KIF21A: variants seen among roughly 807,000 people sequenced by gnomAD.
The protein encoded by KIF21A is kinesin family member 21A.
A neutral mutation model predicts 202.9 loss-of-function variants in KIF21A; 114 were observed. The observed-to-expected ratio is 0.56, with a 90% confidence interval of 0.48 to 0.66. The LOEUF is 0.66. Among genes scored for constraint, KIF21A ranks in the 30% least tolerant of loss-of-function variants. The pLI is 0.00. For missense variants in KIF21A, 1,677 were observed against 1,994.9 expected, an observed-to-expected ratio of 0.84 and a Z score of 3.04; for synonymous variants, 667 against 670.8, an observed-to-expected ratio of 0.99 and a Z score of 0.09.
intron 1 of KIF21A, among the ~76,000 whole-genome samples, chr12:39,405,574 G>A (rs932818352): frequency 1.3e-5 from 2 of 151,998 alleles, no homozygotes; most frequent in African/African-American, 4.8e-5. Context: ...ACTAGTAAAA[G>A]TCAAATAAAG....
intron 1 of KIF21A, among the ~76,000 whole-genome samples, chr12:39,383,740 AGTG>A (rs1372458142): frequency 2.0e-5 from 3 of 152,186 alleles, no homozygotes; most frequent in African/African-American, 7.2e-5. Flanking sequence ...TCAAGGCTGC[AGTG>A]AGCTAGAATG....
At chr12:39,417,389 G>C (rs1234083066) in intron 1 of KIF21A, among the ~76,000 whole-genome samples, 4 of 152,074 alleles carry the variant, frequency 2.6e-5, no homozygotes, top group Non-Finnish European at 5.9e-5. Flanking sequence ...CAATGATACT[G>C]ACAATTATAG....
chr12:39,295,527 G>GTAATCA (rs1334062134), intron 37 of KIF21A, among the ~76,000 whole-genome samples: 1 of 152,044 alleles, frequency 6.6e-6, no homozygotes, highest in African/African-American at 2.4e-5. Context: ...TTTCTAGATT[G>GTAATCA]TAATCAGTTA....
In KIF21A at chr12:39,357,430, C is replaced by A; in HGVS notation, c.1223G>T (p.Arg408Ile). The A allele has an allele frequency of 6.2e-7, 1 of 1,613,650 alleles. No homozygotes were observed. Among genetic ancestry groups the A allele is most frequent in the Non-Finnish European group, 8.5e-7 (1 of 1,179,642 alleles). The change falls in exon 9 of 38, where the codon AGA (arginine) becomes ATA (isoleucine). Residue 408 changes from arginine to isoleucine, a missense_variant. By Grantham distance (97) the Arg-to-Ile change is moderately conservative. This residue lies in a region of KIF21A where 966 missense variants were observed against 1,180.9 expected (regional missense o/e 0.82). Transcript: ENST00000361418. ...TTCCACACCCTCTTCGTCAATTATT[C>A]TTTTACCCTAGTAAAGGAAAATAAT... ...MELMEYKTGK[R>I]IIDEEGVESI... is the part of the protein sequence containing the mutation.
At chr12:39,307,481 T>A in intron 34 of KIF21A, 84 bp downstream of exon 34, 1 of 1,296,614 alleles carries the variant, frequency 7.7e-7, no homozygotes, top group Non-Finnish European at 1.1e-6. Flanking sequence ...GTCATAAAAA[T>A]TGGATTTCAC....
intron 1 of KIF21A, among the ~76,000 whole-genome samples, chr12:39,385,889 G>A (rs1056657466): frequency 6.6e-6 from 1 of 152,168 alleles, no homozygotes; most frequent in Non-Finnish European, 1.5e-5. Context: ...TACAAAGGCA[G>A]TTTAAATACA....
intron 1 of KIF21A, among the ~76,000 whole-genome samples, chr12:39,436,449 T>TATATATATATATATATATATATATA (rs1491365902): frequency 5.0e-4 from 43 of 86,814 alleles, no homozygotes; most frequent in African/African-American, 1.8e-3. Flanking sequence ...TATATATATA[T>TATATATATATATATATATATATATA]TTTTTTTTTT....
intron 1 of KIF21A, among the ~76,000 whole-genome samples, chr12:39,395,041 CA>C (rs1951634302): frequency 1.3e-5 from 2 of 152,160 alleles, no homozygotes; most frequent in Non-Finnish European, 2.9e-5. Context: ...TTCCCCATCC[CA>C]ACTATTAGCT....
chr12:39,440,940 A>G (rs1939482431), intron 1 of KIF21A, among the ~76,000 whole-genome samples: 1 of 152,038 alleles, frequency 6.6e-6, no homozygotes, highest in Admixed American at 6.6e-5. Context: ...GCTTGAGCCC[A>G]TGAGGTTGAG....
At chr12:39,435,059 C>T (rs767467823) in intron 1 of KIF21A, among the ~76,000 whole-genome samples, 1 of 152,174 alleles carries the variant, frequency 6.6e-6, no homozygotes. Flanking sequence ...TCTTACTACA[C>T]ACTAAGATAC....
rs980417696 is a variant in KIF21A, at chr12:39,339,156, A to G, written c.2310+1009T>C. On this transcript the variant is annotated intron_variant, in intron 16 of 37. Coordinates refer to ENST00000361418, the MANE Select transcript of KIF21A (RefSeq NM_001173464.2). ...TAGCTGGGCATGGTGGTGTGCACCT[A>G]TAGTCCCAGCTACTGGGGAGGCTGA... is the stretch of plus-strand genomic sequence containing the variant. Among the ~76,000 whole-genome samples, 26 of 151,128 alleles carry G rather than the reference A, an allele frequency of 1.7e-4. No homozygotes were observed. In the South Asian group the frequency reaches 1.9e-3, roughly 11 times the overall value.
At chr12:39,383,752 T>C (rs1306956726) in intron 1 of KIF21A, among the ~76,000 whole-genome samples, 1 of 152,142 alleles carries the variant, frequency 6.6e-6, no homozygotes, top group East Asian at 1.9e-4. Context: ...TGAGCTAGAA[T>C]GGTGCCACTG....
chr12:39,315,809 C>T (rs768741414), intron 30 of KIF21A, 123 bp downstream of exon 30: 16 of 784,312 alleles, frequency 2.0e-5, no homozygotes, highest in Non-Finnish European at 3.5e-5. Context: ...AATATTAGTG[C>T]ATTTATATGA....
At chr12:39,416,686 T>G (rs1953675715) in intron 1 of KIF21A, among the ~76,000 whole-genome samples, 1 of 122,984 alleles carries the variant, frequency 8.1e-6, no homozygotes, top group African/African-American at 4.0e-5. Context: ...TATATATGTG[T>G]GTATATATAT....
intron 37 of KIF21A, among the ~76,000 whole-genome samples, chr12:39,298,250 AAG>A (rs1421724704): frequency 6.6e-6 from 1 of 152,194 alleles, no homozygotes; most frequent in Non-Finnish European, 1.5e-5. Context: ...CACTTAGCTG[AAG>A]AGACAAAACA....
intron 26 of KIF21A, among the ~76,000 whole-genome samples, chr12:39,325,570 C>T (rs982820007): frequency 1.3e-5 from 2 of 148,886 alleles, no homozygotes; most frequent in Non-Finnish European, 3.0e-5. Context: ...GTCTCCATCT[C>T]CTGACCTCCT....
At chr12:39,306,077 G>A (rs544685129) in intron 34 of KIF21A, among the ~76,000 whole-genome samples, 2 of 152,166 alleles carry the variant, frequency 1.3e-5, no homozygotes, top group South Asian at 4.1e-4. Context: ...TTGGCAGAGA[G>A]TAACAATGAA....
rs781321990 is a variant in KIF21A, at chr12:39,367,868, T to C, written c.600+15A>G. ...AGCCAACTATGCTCTGTTTTAACTA[T>C]AATATAAATATTACCTCTGATTCTG... On this transcript the variant is annotated intron_variant, in intron 4 of 37. Coordinates refer to ENST00000361418, the MANE Select transcript of KIF21A (RefSeq NM_001173464.2). The C allele has an allele frequency of 1.3e-6, 2 of 1,599,426 alleles. No individual in the cohort carries two copies. Among genetic ancestry groups the C allele is most frequent in the Non-Finnish European group, 1.7e-6 (2 of 1,167,576 alleles).
chr12:39,423,109 T>G (rs899308806), intron 1 of KIF21A, among the ~76,000 whole-genome samples: 34 of 152,230 alleles, frequency 2.2e-4, no homozygotes, highest in African/African-American at 8.0e-4. Context: ...GCTTGACAAA[T>G]GTATTAAAAT....
Sources: allele counts gnomAD v4.1 joint callset (sites outside exome capture counted in the v4.1 genomes callset), GRCh38; gene constraint gnomAD v4.1.1; regional missense constraint gnomAD v4.1.1; transcripts MANE v1.5; gene names NCBI Gene and HGNC (gene_info 2026-07-23, HGNC 2026-07-21).